B3GAT2: variants seen among roughly 807,000 people sequenced by gnomAD.
The protein encoded by B3GAT2 is beta-1,3-glucuronyltransferase 2.
In B3GAT2, 26 loss-of-function variants were observed where a neutral mutation model predicts 27.8. The ratio of observed to expected loss-of-function variants is 0.93; its 90% CI spans 0.68 to 1.30. B3GAT2 has a LOEUF of 1.30. Among genes scored for constraint, B3GAT2 ranks in the 50% most tolerant of loss-of-function variants. The probability of loss-of-function intolerance (pLI) is 0.00; values close to 1 mark genes in which losing one functional copy is unlikely to be tolerated. For missense variants in B3GAT2, 458 were observed against 459.0 expected (o/e 1.00, Z 0.02); for synonymous variants, 218 against 195.1 (o/e 1.12, Z -0.98).
At chr6:70,940,970 C>A (rs1375467264) in intron 1 of B3GAT2, among the ~76,000 whole-genome samples, 1 of 152,114 alleles carries the variant, frequency 6.6e-6, no homozygotes, top group East Asian at 1.9e-4. Context: ...CAGGAGAACA[C>A]CCTTCACCTC....
intron 1 of B3GAT2, among the ~76,000 whole-genome samples, chr6:70,898,710 C>A (rs2150033595): frequency 6.6e-6 from 1 of 152,296 alleles, no homozygotes; most frequent in African/African-American, 2.4e-5. Context: ...CACCTCTGTG[C>A]TCCCTTAAGA....
Position 70,895,818 on chromosome 6 carries a change from C to G in B3GAT2, c.592-1546G>C, listed in dbSNP as rs931727795. On this transcript the variant is annotated intron_variant, in intron 1 of 3. Coordinates refer to ENST00000230053, the MANE Select transcript of B3GAT2 (RefSeq NM_080742.3). Reference sequence around the variant, plus strand: ...ACTGCAACTGTCTTGTGCTAACTCACACTAACTTTTACAACTTTTTTTTTT... The same window carrying G: ...ACTGCAACTGTCTTGTGCTAACTCAGACTAACTTTTACAACTTTTTTTTTT... Among the ~76,000 whole-genome samples the G allele has an allele frequency of 2.0e-5, 3 of 149,196 alleles. 1 individual carries two copies. Among genetic ancestry groups the G allele is most frequent in the Admixed American group, 2.0e-4 (3 of 15,010 alleles).
intron 1 of B3GAT2, among the ~76,000 whole-genome samples, chr6:70,898,983 T>C (rs1042311653): frequency 1.3e-5 from 2 of 150,700 alleles, no homozygotes; most frequent in Non-Finnish European, 3.0e-5. Context: ...AATAAATAAA[T>C]AAATAAATAA....
intron 2 of B3GAT2, among the ~76,000 whole-genome samples, chr6:70,892,195 A>G (rs2150030835): frequency 6.6e-6 from 1 of 152,372 alleles, no homozygotes; most frequent in South Asian, 2.1e-4. Context: ...AAATGCTTAG[A>G]AAAATCCAAA....
rs1198075795 is a variant in B3GAT2, at chr6:70,955,923, C to T, written c.507G>A (p.Gln169=). The part of the protein sequence containing the change: ...QRNAGLAWLR[Q]RHQHQRAQPG... ...GCTGCGCGCGCTGGTGCTGGTGCCTCTGGCGCAGCCAGGCGAGGCCCGCGT... is the reference window on the plus strand; with the variant it reads ...GCTGCGCGCGCTGGTGCTGGTGCCTTTGGCGCAGCCAGGCGAGGCCCGCGT... The change falls in exon 1 of 4, where the codon CAG becomes CAA. Residue 169 remains glutamine, a synonymous_variant. Transcript: ENST00000230053. 2 of 1,595,890 alleles carry T rather than the reference C, an allele frequency of 1.3e-6. No individual in the cohort carries two copies. Among genetic ancestry groups the T allele is most frequent in the Non-Finnish European group, 1.7e-6 (2 of 1,172,970 alleles).
intron 1 of B3GAT2, among the ~76,000 whole-genome samples, chr6:70,914,546 A>G (rs1772737892): frequency 6.6e-6 from 1 of 151,846 alleles, no homozygotes; most frequent in African/African-American, 2.4e-5. Flanking sequence ...TATTTTTTTT[A>G]ACAAAGACAT....
chr6:70,955,981 C>A lies in B3GAT2; in HGVS notation c.449G>T (p.Arg150Leu). 1 of 1,460,342 alleles carries A rather than the reference C, an allele frequency of 6.8e-7. No individual in the cohort carries two copies. The allele number at this position is 1,460,342 out of a possible 1,614,324, so 90.5% of individuals were successfully genotyped here. Reference sequence around the variant, plus strand: ...CTCAGTGGCGCGCGGCAGCCCGGGCCGCTTGTAGCGCCGCGGCGTGGGCAC... The same window carrying A: ...CTCAGTGGCGCGCGGCAGCCCGGGCAGCTTGTAGCGCCGCGGCGTGGGCAC... ...LHVPTPRRYK[R>L]PGLPRATEQR... Residue 150 changes from arginine to leucine, a missense_variant, in exon 1 of 4, where the codon CGG (arginine) becomes CTG (leucine). Coordinates refer to ENST00000230053, the MANE Select transcript of B3GAT2 (RefSeq NM_080742.3).
chr6:70,894,053 C>T (rs1241934915), intron 2 of B3GAT2, 75 bp downstream of exon 2: 1 of 1,389,006 alleles, frequency 7.2e-7, no homozygotes, highest in African/African-American at 1.4e-5. Flanking sequence ...AAGCTTCCTT[C>T]ATCTAGTGCA....
intron 2 of B3GAT2, among the ~76,000 whole-genome samples, chr6:70,881,744 C>T (rs565923902): frequency 1.3e-5 from 2 of 152,278 alleles, no homozygotes; most frequent in East Asian, 1.9e-4. Flanking sequence ...GTCTGAGGCA[C>T]GGCCCCCTTC....
At chr6:70,909,152 T>TCA (rs376482685) in intron 1 of B3GAT2, among the ~76,000 whole-genome samples, 11 of 151,536 alleles carry the variant, frequency 7.3e-5, no homozygotes, top group African/African-American at 2.2e-4. Flanking sequence ...TCTCTCTCTC[T>TCA]CACACACACA....
rs369742473 is a variant in B3GAT2, at chr6:70,861,637, C to A, written c.*26G>T. On this transcript the variant is annotated 3_prime_UTR_variant, in exon 4 of 4. Coordinates refer to ENST00000230053, the MANE Select transcript of B3GAT2 (RefSeq NM_080742.3). ...CTTCCATATGGATCCACTGGCTGGA[C>A]AAACTGCACCAGTTGCTGCTTCAAT... 5.6e-6 allele frequency: 9 copies of A among 1,603,148 alleles called. No homozygotes were observed. In the East Asian group the frequency reaches 6.7e-5, roughly 12 times the overall value.
chr6:70,936,840 AG>A (rs1765290231), intron 1 of B3GAT2, among the ~76,000 whole-genome samples: 1 of 152,218 alleles, frequency 6.6e-6, no homozygotes, highest in South Asian at 2.1e-4. Context: ...CACAATTAAA[AG>A]AACTAAAGAA....
intron 1 of B3GAT2, among the ~76,000 whole-genome samples, chr6:70,911,979 T>G (rs777879260): frequency 2.0e-5 from 3 of 152,208 alleles, no homozygotes; most frequent in Admixed American, 2.0e-4. Flanking sequence ...ATGCAACTTA[T>G]TTTTGCACAG....
In B3GAT2 at chr6:70,860,796, A is replaced by G. The variant is rs1287247855; in HGVS notation, c.*867T>C. On this transcript the variant is annotated 3_prime_UTR_variant, in exon 4 of 4. Transcript: ENST00000230053. ...AATGTCTCACTGAGCACTGTTTTCT[A>G]GTGTATCAAAATGCTCTTATTTCAT... is the stretch of plus-strand genomic sequence containing the variant. The G allele has an allele frequency of 7.5e-6, 3 of 398,434 alleles. No individual in the cohort carries two copies. Among genetic ancestry groups the G allele is most frequent in the African/African-American group, 4.1e-5 (2 of 48,594 alleles). The allele number at this position is 398,434 out of a possible 1,614,324, so 24.7% of individuals were successfully genotyped here.
intron 2 of B3GAT2, among the ~76,000 whole-genome samples, chr6:70,863,507 A>G (rs1771799502): frequency 6.6e-6 from 1 of 152,202 alleles, no homozygotes; most frequent in African/African-American, 2.4e-5. Flanking sequence ...AAAGGGAGGG[A>G]GGTGGCACAT....
chr6:70,859,525 G>C lies in B3GAT2; in HGVS notation c.*2138C>G, dbSNP rs1771606760. The C allele has an allele frequency of 2.9e-6, 2 of 700,472 alleles. No individual in the cohort carries two copies. The highest frequency in any genetic ancestry group is 4.7e-6 in the Non-Finnish European group (2 of 430,012). The allele number at this position is 700,472 out of a possible 1,614,324, so 43.4% of individuals were successfully genotyped here. A position where few individuals can be genotyped will look rare whatever the true frequency, so the allele number is the denominator to read the frequency against. ...AGTCAAGTCAAATGTATTAAATTAAGAACACAGTCTAACTCTGAGTGTAAG... is the reference window on the plus strand; with the variant it reads ...AGTCAAGTCAAATGTATTAAATTAACAACACAGTCTAACTCTGAGTGTAAG... On this transcript the variant is annotated 3_prime_UTR_variant, in exon 4 of 4. Transcript: ENST00000230053.
At chr6:70,910,811 T>C (rs1038532638) in intron 1 of B3GAT2, among the ~76,000 whole-genome samples, 4 of 152,302 alleles carry the variant, frequency 2.6e-5, no homozygotes, top group Admixed American at 1.3e-4. Flanking sequence ...AGGCATTCCC[T>C]TTTCTCCATA....
chr6:70,884,544 A>C (rs1482088516), intron 2 of B3GAT2, among the ~76,000 whole-genome samples: 2 of 152,170 alleles, frequency 1.3e-5, no homozygotes, highest in African/African-American at 4.8e-5. Flanking sequence ...GAGGACACTG[A>C]CATGAGCGCC....
chr6:70,902,429 C>T (rs1299231673), intron 1 of B3GAT2, among the ~76,000 whole-genome samples: 1 of 151,846 alleles, frequency 6.6e-6, no homozygotes, highest in Non-Finnish European at 1.5e-5. Flanking sequence ...AGTATGGAGG[C>T]TCTTCAAAAT....
Sources: gnomAD v4.1 joint callset for allele counts (sites outside exome capture counted in the v4.1 genomes callset) on GRCh38, gnomAD v4.1.1 for gene constraint, MANE v1.5 for transcripts, NCBI Gene and HGNC (gene_info 2026-07-23, HGNC 2026-07-21) for gene names.